SMCO4: variants seen among roughly 807,000 people sequenced by gnomAD.
SMCO4 encodes the protein single-pass membrane protein with coiled-coil domains 4, also known as single-pass membrane and coiled-coil domain-containing protein 4.
Under a neutral mutation model 3.6 loss-of-function variants are expected in SMCO4, and 4 were observed. That is an observed-to-expected ratio of 1.11 (90% CI 0.54 to 2.53). SMCO4 has a LOEUF of 2.53. Ranked by LOEUF, SMCO4 falls within the 30% of genes most tolerant of loss-of-function variation. SMCO4 has a pLI of 0.02. For synonymous variants in SMCO4, 36 were observed against 35.3 expected (o/e 1.02, Z -0.07); for missense variants, 70 against 80.8 (o/e 0.87, Z 0.51).
intron 1 of SMCO4, among the ~76,000 whole-genome samples, chr11:93,517,982 A>C (rs1949023174): frequency 1.3e-5 from 2 of 152,270 alleles, no homozygotes; most frequent in African/African-American, 4.8e-5. Flanking sequence ...GACATTTTAA[A>C]GTACATAATT....
At chr11:93,501,073 G>A (rs572667406) in intron 1 of SMCO4, among the ~76,000 whole-genome samples, 2 of 152,270 alleles carry the variant, frequency 1.3e-5, no homozygotes, top group Admixed American at 6.5e-5. Context: ...CCTGCTGCTC[G>A]TCCCAGACCT....
chr11:93,507,051 T>C (rs1374604595), intron 1 of SMCO4, among the ~76,000 whole-genome samples: 1 of 152,204 alleles, frequency 6.6e-6, no homozygotes, highest in Non-Finnish European at 1.5e-5. Flanking sequence ...GAGCCTGTTA[T>C]TTCAAGGAAA....
At chr11:93,531,397 C>T (rs1949160826) in intron 1 of SMCO4, among the ~76,000 whole-genome samples, 1 of 152,068 alleles carries the variant, frequency 6.6e-6, no homozygotes, top group Non-Finnish European at 1.5e-5. Context: ...TTGGAACTGA[C>T]ACCATTGGCT....
chr11:93,510,080 TAC>T (rs1450124272), intron 1 of SMCO4, among the ~76,000 whole-genome samples: 4 of 152,228 alleles, frequency 2.6e-5, no homozygotes, highest in African/African-American at 7.2e-5. Context: ...CTCTCTGGAC[TAC>T]AGTTTCCTCT....
intron 1 of SMCO4, among the ~76,000 whole-genome samples, chr11:93,502,516 G>A (rs1488483798): frequency 6.6e-6 from 1 of 152,200 alleles, no homozygotes; most frequent in African/African-American, 2.4e-5. Flanking sequence ...TTAAAGGGCA[G>A]ACTATATCAA....
At chr11:93,531,560 A>G (rs1174826497) in intron 1 of SMCO4, among the ~76,000 whole-genome samples, 2 of 152,224 alleles carry the variant, frequency 1.3e-5, no homozygotes, top group African/African-American at 4.8e-5. Flanking sequence ...ATACATACAC[A>G]TAACCCTATT....
chr11:93,535,301 C>T (rs111902751), intron 1 of SMCO4, among the ~76,000 whole-genome samples: 1,712 of 152,292 alleles, frequency 0.011, 25 homozygotes, highest in Non-Finnish European at 0.017. Flanking sequence ...CTTACACCAC[C>T]CTGAGCTGAG....
chr11:93,492,716 A>T (rs1948732766), intron 2 of SMCO4, among the ~76,000 whole-genome samples: 1 of 152,178 alleles, frequency 6.6e-6, no homozygotes, highest in African/African-American at 2.4e-5. Context: ...TGAAGGTTTT[A>T]AGGGGTAGCA....
chr11:93,498,094 G>A (rs1948795624), intron 2 of SMCO4, among the ~76,000 whole-genome samples: 1 of 152,036 alleles, frequency 6.6e-6, no homozygotes, highest in Admixed American at 6.6e-5. Context: ...CATATTAAAA[G>A]CCTCACACTG....
intron 2 of SMCO4, among the ~76,000 whole-genome samples, chr11:93,484,742 T>A (rs1340111877): frequency 6.6e-6 from 1 of 152,072 alleles, no homozygotes; most frequent in East Asian, 1.9e-4. Context: ...CCCCCAGGTT[T>A]TCTCTTTTCC....
intron 1 of SMCO4, among the ~76,000 whole-genome samples, chr11:93,509,496 T>C (rs1948938932): frequency 6.6e-6 from 1 of 152,172 alleles, no homozygotes; most frequent in African/African-American, 2.4e-5. Flanking sequence ...GAAGTCATTA[T>C]ATGAGAAAGA....
intron 1 of SMCO4, among the ~76,000 whole-genome samples, chr11:93,536,293 A>G (rs1459095621): frequency 6.6e-6 from 1 of 152,222 alleles, no homozygotes; most frequent in African/African-American, 2.4e-5. Context: ...TTTTAAATGA[A>G]TTTAACATTT....
upstream of SMCO4, among the ~76,000 whole-genome samples, chr11:93,546,016 G>A (rs1319611267): frequency 2.6e-5 from 4 of 152,248 alleles, no homozygotes; most frequent in Non-Finnish European, 5.9e-5. Flanking sequence ...GGGAAAGCCA[G>A]CCAAAAATAG....
rs1315646215 is a variant in SMCO4 at position 93,478,832 on chromosome 11, C to T, written c.*178G>A. ...GGCACATTCACTGATAAAACATCCC[C>T]TATTCCCTCCCAAGAAAGCGGAGAT... is the stretch of plus-strand genomic sequence containing the variant. On this transcript the variant is annotated 3_prime_UTR_variant, in exon 3 of 3. Coordinates refer to ENST00000298966, the MANE Select transcript of SMCO4 (RefSeq NM_020179.3). 1.4e-6 allele frequency: 2 copies of T among 1,419,694 alleles called. No individual in the cohort carries two copies. The highest frequency in any genetic ancestry group is 2.9e-5 in the African/African-American group (2 of 69,578). 87.9% of individuals were successfully genotyped at this position (1,419,694 alleles called of 1,614,324 possible).
chr11:93,478,998 C>A lies in SMCO4; in HGVS notation c.*12G>T. ...TCTCCCTGCCGATGGGGTCCGCAGCCGGCTGCGGGGCTCACTCGGTGATGG... is the reference window on the plus strand; with the variant it reads ...TCTCCCTGCCGATGGGGTCCGCAGCAGGCTGCGGGGCTCACTCGGTGATGG... On this transcript the variant is annotated 3_prime_UTR_variant, in exon 3 of 3. Transcript: ENST00000298966. 6.3e-7 allele frequency: 1 copy of A among 1,595,592 alleles called. No individual in the cohort carries two copies. The highest frequency in any genetic ancestry group is 8.5e-7 in the Non-Finnish European group (1 of 1,169,718).
At chr11:93,495,699 A>G (rs1376803867) in intron 2 of SMCO4, among the ~76,000 whole-genome samples, 1 of 152,148 alleles carries the variant, frequency 6.6e-6, no homozygotes, top group Non-Finnish European at 1.5e-5. Context: ...CTTGGGGAGT[A>G]GCAAGGAGTA....
chr11:93,553,004 C>A, the SMCO4 span, among the ~76,000 whole-genome samples: 1 of 152,182 alleles, frequency 6.6e-6, no homozygotes, highest in African/African-American at 2.4e-5. Context: ...GTGACCAGAA[C>A]GTCAAAGGCC....
chr11:93,527,696 A>T (rs988335234), intron 1 of SMCO4, among the ~76,000 whole-genome samples: 1 of 152,166 alleles, frequency 6.6e-6, no homozygotes, highest in African/African-American at 2.4e-5. Context: ...CCTAGGCTCA[A>T]GTGATCCTCC....
chr11:93,502,401 C>A (rs1013618917), intron 1 of SMCO4, among the ~76,000 whole-genome samples: 1 of 151,996 alleles, frequency 6.6e-6, no homozygotes, highest in African/African-American at 2.4e-5. Flanking sequence ...GGTGACTTCA[C>A]AAAGCAAGGA....
Sources: gnomAD v4.1 joint callset for allele counts (sites outside exome capture counted in the v4.1 genomes callset) on GRCh38, gnomAD v4.1.1 for gene constraint, MANE v1.5 for transcripts, NCBI Gene and HGNC (gene_info 2026-07-23, HGNC 2026-07-21) for gene names.